DSE: variants seen among roughly 807,000 people sequenced by gnomAD.
DSE encodes the protein dermatan sulfate epimerase, also known as dermatan-sulfate epimerase.
A neutral mutation model predicts 84.4 loss-of-function variants in DSE; 36 were observed. That is an observed-to-expected ratio of 0.43 (90% CI 0.33 to 0.56). The LOEUF (loss-of-function observed/expected upper bound fraction) is 0.56. Ranked by LOEUF, DSE falls within the 20% of genes least tolerant of loss-of-function variation. DSE has a pLI of 0.06. For missense variants in DSE, 862 were observed against 1,169.6 expected (o/e 0.74, Z 3.84); for synonymous variants, 410 against 430.1 (o/e 0.95, Z 0.58).
At chr6:116,317,822 C>CT (rs1001724118) in intron 2 of DSE, among the ~76,000 whole-genome samples, 1 of 152,140 alleles carries the variant, frequency 6.6e-6, no homozygotes, top group African/African-American at 2.4e-5. Context: ...AGAACAAGTC[C>CT]TTTTTTATTT....
At chr6:116,275,071 A>C (rs1332919494) in intron 2 of DSE, among the ~76,000 whole-genome samples, 1 of 152,244 alleles carries the variant, frequency 6.6e-6, no homozygotes, top group African/African-American at 2.4e-5. Flanking sequence ...AGATATTTTA[A>C]CATTTTTCTT....
chr6:116,396,438 C>T (rs1781253366), intron 1 of DSE, among the ~76,000 whole-genome samples: 1 of 152,156 alleles, frequency 6.6e-6, no homozygotes, highest in Non-Finnish European at 1.5e-5. Context: ...GTTCTTTCTC[C>T]TCAGTCTTCA....
chr6:116,340,627 T>G (rs1171380689), intron 2 of DSE, among the ~76,000 whole-genome samples: 1 of 152,122 alleles, frequency 6.6e-6, no homozygotes, highest in East Asian at 1.9e-4. Context: ...CTCCTAATGC[T>G]ATCCCTCCCC....
At chr6:116,326,946 A>AT (rs1172436518) in intron 2 of DSE, among the ~76,000 whole-genome samples, 5 of 152,218 alleles carry the variant, frequency 3.3e-5, no homozygotes, top group Admixed American at 6.5e-5. Context: ...AGGCAGTTAG[A>AT]TTTTCATGTT....
At chr6:116,368,842 TCTC>T (rs1263752714), upstream of DSE, among the ~76,000 whole-genome samples, 2 of 150,332 alleles carry the variant, frequency 1.3e-5, no homozygotes, top group East Asian at 2.0e-4. Context: ...ATTGAAGTAT[TCTC>T]CTGTGGAATC....
In DSE at chr6:116,438,590, G is replaced by A. The variant is rs1784318167; in HGVS notation, c.*1245G>A. 1 of 152,064 alleles carries A rather than the reference G, an allele frequency of 6.6e-6. No homozygotes were observed. The highest frequency in any genetic ancestry group is 2.4e-5 in the African/African-American group (1 of 41,428). 9.4% of individuals were successfully genotyped at this position (152,064 alleles called of 1,614,324 possible). ...GAAAAATAATCCATAGTTTCTACTTGAGCATAAGAAAATGATATACTTAAA... is the reference window on the plus strand; with the variant it reads ...GAAAAATAATCCATAGTTTCTACTTAAGCATAAGAAAATGATATACTTAAA... On this transcript the variant is annotated 3_prime_UTR_variant, in exon 6 of 6. Coordinates refer to ENST00000644252, the MANE Select transcript of DSE (RefSeq NM_013352.4).
At position 116,279,054 on chromosome 6, in the gene DSE, C is replaced by T. The variant is rs771901689; in HGVS notation, c.-54+20087C>T. Reference sequence around the variant, plus strand: ...TCCGCTCCAGGTAGTGTCGACGCATCCGCCCAAACTTGTGCTCCAGCTGTT... The same window carrying T: ...TCCGCTCCAGGTAGTGTCGACGCATTCGCCCAAACTTGTGCTCCAGCTGTT... On this transcript the variant is annotated intron_variant, in intron 2 of 3. Transcript: ENST00000430252. 3 of 1,613,332 alleles carry T rather than the reference C, an allele frequency of 1.9e-6. No individual in the cohort carries two copies. The South Asian group carries it at 3.3e-5, about 18-fold the overall frequency.
chr6:116,396,414 T>C (rs182724017), intron 1 of DSE, among the ~76,000 whole-genome samples: 29 of 152,332 alleles, frequency 1.9e-4, no homozygotes, highest in African/African-American at 6.5e-4. Context: ...ATTTGTGGTA[T>C]TGAGAATGCC....
At chr6:116,416,348 A>ACT (rs1489920113) in intron 2 of DSE, among the ~76,000 whole-genome samples, 2 of 108,814 alleles carry the variant, frequency 1.8e-5, no homozygotes, top group African/African-American at 8.1e-5. Context: ...GCTAATTGCC[A>ACT]CTGTGTGTGT....
intron 2 of DSE, among the ~76,000 whole-genome samples, chr6:116,330,655 A>G (rs557494037): frequency 6.6e-6 from 1 of 152,352 alleles, no homozygotes; most frequent in South Asian, 2.1e-4. Context: ...ATAAATCTCA[A>G]CATGATGAAA....
intron 1 of DSE, among the ~76,000 whole-genome samples, chr6:116,371,638 C>T (rs925840732): frequency 2.6e-5 from 4 of 152,138 alleles, no homozygotes; most frequent in African/African-American, 9.7e-5. Flanking sequence ...CTGCAGAAGC[C>T]GAGGAAGAGC....
In DSE at chr6:116,399,536, G is replaced by A. The variant is rs747813819; in HGVS notation, c.286G>A (p.Ala96Thr). 1 of 1,614,226 alleles carries A rather than the reference G, an allele frequency of 6.2e-7. No individual in the cohort carries two copies. The highest frequency in any genetic ancestry group is 8.5e-7 in the Non-Finnish European group (1 of 1,180,052). ...TCCCTGGGATCCCAAGGACTACAGT[G>A]CCCGCTGGAATGAAATTTTTGGAAA... is the stretch of plus-strand genomic sequence containing the variant. Reference protein sequence around the residue: ...LPPWDPKDYSARWNEIFGNNL... With the variant: ...LPPWDPKDYSTRWNEIFGNNL... Residue 96 changes from alanine to threonine, a missense_variant, in exon 2 of 6, where the codon GCC becomes ACC. By Grantham distance (58) the Ala-to-Thr change is moderately conservative. Around this residue, in one of 4 missense-constraint regions of DSE, gnomAD observed 309 missense variants for 516.9 expected, o/e 0.60. Coordinates refer to ENST00000644252, the MANE Select transcript of DSE (RefSeq NM_013352.4).
At chr6:116,330,973 T>C (rs975463670) in intron 2 of DSE, among the ~76,000 whole-genome samples, 5 of 152,194 alleles carry the variant, frequency 3.3e-5, no homozygotes, top group Non-Finnish European at 7.4e-5. Context: ...GTTAGTTTAA[T>C]ATTAGAAAAC....
chr6:116,285,229 G>T (rs1049437441), intron 2 of DSE, among the ~76,000 whole-genome samples: 2 of 152,120 alleles, frequency 1.3e-5, no homozygotes, highest in East Asian at 3.9e-4. Flanking sequence ...GTATGAGATG[G>T]TATCTCATTG....
chr6:116,281,878 T>C (rs1773566044), intron 2 of DSE, among the ~76,000 whole-genome samples: 1 of 152,242 alleles, frequency 6.6e-6, no homozygotes, highest in Non-Finnish European at 1.5e-5. Context: ...AGAGGGCTGC[T>C]CTATTCTATA....
intron 2 of DSE, among the ~76,000 whole-genome samples, chr6:116,342,983 C>T (rs1032321701): frequency 6.6e-6 from 1 of 152,186 alleles, no homozygotes; most frequent in Non-Finnish European, 1.5e-5. Flanking sequence ...GCAAATGGCA[C>T]TCCTGGAGAT....
At chr6:116,413,572 A>G (rs1419124662) in intron 2 of DSE, among the ~76,000 whole-genome samples, 1 of 152,202 alleles carries the variant, frequency 6.6e-6, no homozygotes, top group East Asian at 1.9e-4. Context: ...GCTGAATGGA[A>G]TAAACTGTGC....
At chr6:116,358,326 A>G (rs1778691515) in intron 2 of DSE, among the ~76,000 whole-genome samples, 1 of 152,254 alleles carries the variant, frequency 6.6e-6, no homozygotes, top group Admixed American at 6.5e-5. Context: ...TATCACTACC[A>G]TCTGTAATAG....
At chr6:116,378,632 CATTT>C in intron 1 of DSE, among the ~76,000 whole-genome samples, 1 of 152,180 alleles carries the variant, frequency 6.6e-6, no homozygotes, top group South Asian at 2.1e-4. Flanking sequence ...TTTGAAGAAA[CATTT>C]AATTAATAAA....
Sources: allele counts gnomAD v4.1 joint callset (sites outside exome capture counted in the v4.1 genomes callset), GRCh38; gene constraint gnomAD v4.1.1; regional missense constraint gnomAD v4.1.1; transcripts MANE v1.5; gene names NCBI Gene and HGNC (gene_info 2026-07-23, HGNC 2026-07-21).